MYH10: variants seen among roughly 807,000 people sequenced by gnomAD.
MYH10 encodes the protein myosin heavy chain 10.
In MYH10, 55 loss-of-function variants were observed where a neutral mutation model predicts 257.8. The observed-to-expected ratio is 0.21, with a 90% CI of 0.17 to 0.27. The LOEUF is 0.27. Among genes scored for constraint, MYH10 ranks in the 10% least tolerant of loss-of-function variants. The pLI is 1.00. For missense variants in MYH10, 1,631 were observed against 2,500.6 expected (o/e 0.65, Z 7.42); for synonymous variants, 854 against 921.7 (o/e 0.93, Z 1.33).
At chr17:8,581,432 G>A (rs894856852) in intron 4 of MYH10, among the ~76,000 whole-genome samples, 2 of 151,980 alleles carry the variant, frequency 1.3e-5, no homozygotes, top group Non-Finnish European at 2.9e-5. Flanking sequence ...TGTCTCTGTG[G>A]TTTCCCAGCT....
In MYH10 at chr17:8,506,476, CTTCT is replaced by C; in HGVS notation, c.3224_3227del (p.Lys1075ArgfsTer100). On this transcript the variant is annotated frameshift_variant, in exon 27 of 43. Transcript: ENST00000360416. LOFTEE classifies it high-confidence loss of function. The surrounding 1 kb of genome is among the most constrained non-coding windows in gnomAD (Gnocchi z 5.0). ...CCAGTTCCTGACGAGTCTTTTCTTC[CTTCT>C]TTAAGCGTTCTTTAAGGTAAGACAT... is the stretch of plus-strand genomic sequence containing the variant. The C allele has an allele frequency of 6.2e-7, 1 of 1,610,890 alleles. No individual in the cohort carries two copies. The highest frequency in any genetic ancestry group is 8.5e-7 in the Non-Finnish European group (1 of 1,179,032).
Position 8,478,323 on chromosome 17 carries a change from C to T in MYH10, c.5706+15G>A, listed in dbSNP as rs772130361. The T allele has an allele frequency of 1.9e-6, 3 of 1,609,170 alleles. No homozygotes were observed. The highest frequency in any genetic ancestry group is 1.7e-6 in the Non-Finnish European group (2 of 1,175,540). On this transcript the variant is annotated intron_variant, in intron 41 of 42. Coordinates refer to ENST00000360416, the MANE Select transcript of MYH10 (RefSeq NM_001256012.3). ...TTTGCTCACGCGCTTCCCAGGGAGG[C>T]ACTTCCTCGCGTACCTGCTCTTTAT...
intron 7 of MYH10, among the ~76,000 whole-genome samples, chr17:8,566,344 T>C (rs1328273617): frequency 1.3e-5 from 2 of 152,154 alleles, no homozygotes; most frequent in Non-Finnish European, 2.9e-5. Flanking sequence ...GGTTGGTTTG[T>C]ATAACCAATA....
At position 8,620,340 on chromosome 17, in the gene MYH10, T is replaced by C. The variant is rs141427013; in HGVS notation, c.345+2562A>G. ...TCACTAAAGGAATCATCATAGAAAT[T>C]AGAAAATATTTAGAACTGAAGACTA... On this transcript the variant is annotated intron_variant, in intron 2 of 42. Coordinates refer to ENST00000360416, the MANE Select transcript of MYH10 (RefSeq NM_001256012.3). Among the ~76,000 whole-genome samples the C allele has an allele frequency of 3.4e-3, 520 of 152,296 alleles. 4 individuals are homozygous for C. The highest frequency in any genetic ancestry group is 5.4e-3 in the Admixed American group (82 of 15,302).
At chr17:8,537,367 A>G (rs1439583023) in intron 14 of MYH10, among the ~76,000 whole-genome samples, 1 of 152,226 alleles carries the variant, frequency 6.6e-6, no homozygotes, top group Non-Finnish European at 1.5e-5. Context: ...GGCTATGGTT[A>G]AATATAAATG....
chr17:8,478,400 G>A lies in MYH10; in HGVS notation c.5644C>T (p.Leu1882=), dbSNP rs373074257. 9 of 1,614,112 alleles carry A rather than the reference G, an allele frequency of 5.6e-6. No individual in the cohort carries two copies. Among genetic ancestry groups the A allele is most frequent in the Non-Finnish European group, 7.6e-6 (9 of 1,180,054 alleles). Residue 1882 remains leucine, a synonymous_variant, in exon 41 of 43, where the codon CTG becomes TTG. Transcript: ENST00000360416. ...TCAACCTGCATGAAGATTTCTTTCAGCTTCTTCTCAGTGCGACGGACTAAT... is the reference window on the plus strand; with the variant it reads ...TCAACCTGCATGAAGATTTCTTTCAACTTCTTCTCAGTGCGACGGACTAAT... ...NKLVRRTEKK[L]KEIFMQVEDE... is the part of the protein sequence containing the mutation.
chr17:8,504,659 A>C lies in MYH10; in HGVS notation c.3599+35T>G. 6.3e-7 allele frequency: 1 copy of C among 1,588,014 alleles called. No homozygotes were observed. The highest frequency in any genetic ancestry group is 8.6e-7 in the Non-Finnish European group (1 of 1,160,116). The stretch of plus-strand genomic sequence containing the variant: ...GCACGGGCTCGGTGGAGAGGTCGGC[A>C]GGCGCCCGGGCCCTGCTTCCTCTCC... On this transcript the variant is annotated intron_variant, in intron 28 of 42. Coordinates refer to ENST00000360416, the MANE Select transcript of MYH10 (RefSeq NM_001256012.3). This position sits in a 1 kb window ranked among gnomAD's most constrained non-coding sequence, Gnocchi z 5.6.
Position 8,508,655 on chromosome 17 carries a change from C to A in MYH10, c.3113G>T (p.Arg1038Leu), listed in dbSNP as rs1421457706. 1 of 1,613,912 alleles carries A rather than the reference C, an allele frequency of 6.2e-7. No individual in the cohort carries two copies. Among genetic ancestry groups the A allele is most frequent in the Non-Finnish European group, 8.5e-7 (1 of 1,179,938 alleles). Residue 1038 changes from arginine (R) to leucine (L), a missense_variant, in exon 26 of 43, where the codon CGC becomes CTC. Physicochemically the swap from Arg to Leu is moderately radical, Grantham distance 102 (BLOSUM62 -2). Around this residue, in one of 11 missense-constraint regions of MYH10, gnomAD observed 169 missense variants for 249.8 expected, o/e 0.68. Coordinates refer to ENST00000360416, the MANE Select transcript of MYH10 (RefSeq NM_001256012.3). Reference sequence around the variant, plus strand: ...CAGCTGAGAGGAACACTCAGCAATGCGATCTTCCATGAGTTTCTTTTCCTG... The same window carrying A: ...CAGCTGAGAGGAACACTCAGCAATGAGATCTTCCATGAGTTTCTTTTCCTG... ...FIKEKKLMED[R>L]IAECSSQLAE...
At chr17:8,500,025 T>C (rs1193933040) in intron 29 of MYH10, among the ~76,000 whole-genome samples, 3 of 152,226 alleles carry the variant, frequency 2.0e-5, no homozygotes, top group African/African-American at 4.8e-5. Context: ...TCAGTTTCCT[T>C]GTCTTTTAAA....
At chr17:8,501,790 C>A (rs2080905119) in intron 28 of MYH10, among the ~76,000 whole-genome samples, 1 of 152,154 alleles carries the variant, frequency 6.6e-6, no homozygotes, top group South Asian at 2.1e-4. Context: ...TTTTATCTAA[C>A]CTGCACTTTA....
At chr17:8,613,663 T>C (rs541302704) in intron 2 of MYH10, among the ~76,000 whole-genome samples, 3 of 152,018 alleles carry the variant, frequency 2.0e-5, no homozygotes, top group African/African-American at 4.8e-5. Context: ...AAAATAAACA[T>C]AGAGCGGGTA....
rs2083277111 is a variant in MYH10, at chr17:8,569,694, A to G, written c.756+26T>C. 5.3e-6 allele frequency: 8 copies of G among 1,509,544 alleles called. No individual in the cohort carries two copies. The African/African-American group carries it at 7.0e-5, about 13-fold the overall frequency. 93.5% of individuals were successfully genotyped at this position (1,509,544 alleles called of 1,614,324 possible). Reference sequence around the variant, plus strand: ...ATTTAACTAGAAATCTAAGGAATTAAAAGCTTCTGGTGCTTTGAAACTTAC... The same window carrying G: ...ATTTAACTAGAAATCTAAGGAATTAGAAGCTTCTGGTGCTTTGAAACTTAC... On this transcript the variant is annotated intron_variant, in intron 7 of 42. Coordinates refer to ENST00000360416, the MANE Select transcript of MYH10 (RefSeq NM_001256012.3). The surrounding 1 kb of genome is among the most constrained non-coding windows in gnomAD (Gnocchi z 4.1).
At chr17:8,526,102 A>C (rs1222194549) in intron 17 of MYH10, among the ~76,000 whole-genome samples, 1 of 152,168 alleles carries the variant, frequency 6.6e-6, no homozygotes, top group Admixed American at 6.5e-5. Context: ...TTTTTAATTC[A>C]ACATTTTAAA....
rs745467947 is a variant in MYH10, at chr17:8,545,645, A to G, written c.1279-45T>C. 4 of 1,586,636 alleles carry G rather than the reference A, an allele frequency of 2.5e-6. No individual in the cohort carries two copies. In the South Asian group the frequency reaches 3.4e-5, roughly 14 times the overall value. ...ACCTTTTATTCTGGAAACAATCTCA[A>G]CAAAGCATAAATAGCTGTTTTACGG... On this transcript the variant is annotated intron_variant, in intron 12 of 42. Coordinates refer to ENST00000360416, the MANE Select transcript of MYH10 (RefSeq NM_001256012.3). The surrounding 1 kb of genome is among the most constrained non-coding windows in gnomAD (Gnocchi z 4.7).
chr17:8,556,189 C>T (rs906917108), intron 7 of MYH10, among the ~76,000 whole-genome samples: 2 of 152,176 alleles, frequency 1.3e-5, no homozygotes, highest in East Asian at 1.9e-4. Flanking sequence ...GAAGGCAAAA[C>T]GGTACAGCCA....
intron 1 of MYH10, among the ~76,000 whole-genome samples, chr17:8,629,429 A>T (rs2085813971): frequency 7.2e-6 from 1 of 139,246 alleles, no homozygotes; most frequent in African/African-American, 2.7e-5. Context: ...TAACGGCTGT[A>T]GGCAGAGGCC....
In MYH10 at chr17:8,481,392, G is replaced by A; in HGVS notation, c.5194C>T (p.Arg1732Ter). The change falls in exon 38 of 43, where the codon CGA (arginine) becomes TGA (stop). Residue 1732 changes from arginine (R) to a stop codon, truncating the protein, a stop_gained. Transcript: ENST00000360416. LOFTEE classifies it high-confidence loss of function. Reference protein sequence around the residue: ...QLQEELASSERARRHAEQERD... With the variant: ...QLQEELASSE ...TCCTGCTCGGCGTGTCGGCGGGCTC[G>A]CTCAGATGAGGCAAGTTCCTAAGCA... 1 of 1,613,988 alleles carries A rather than the reference G, an allele frequency of 6.2e-7. No individual in the cohort carries two copies. Among genetic ancestry groups the A allele is most frequent in the Non-Finnish European group, 8.5e-7 (1 of 1,179,992 alleles).
At chr17:8,576,708 A>G (rs2083509802) in intron 5 of MYH10, 36 bp from the exon 6 acceptor site, 1 of 1,548,014 alleles carries the variant, frequency 6.5e-7, no homozygotes, top group Non-Finnish European at 8.7e-7. Context: ...AAATGTTAGC[A>G]AGTTTGAGTC....
chr17:8,499,562 G>A (rs1917193095), intron 29 of MYH10, 86 bp from the exon 30 acceptor site: 2 of 1,206,334 alleles, frequency 1.7e-6, no homozygotes, highest in Non-Finnish European at 2.4e-6. Context: ...GCAGAATTGT[G>A]CCTAACACAC....
Sources: allele counts gnomAD v4.1 joint callset (sites outside exome capture counted in the v4.1 genomes callset), GRCh38; gene constraint gnomAD v4.1.1; regional missense constraint gnomAD v4.1.1; non-coding constraint Gnocchi (gnomAD v3.1); transcripts MANE v1.5; gene names NCBI Gene and HGNC (gene_info 2026-07-23, HGNC 2026-07-21).